Variants in CSMD1 observed in about 807,000 individuals in gnomAD.
CSMD1 encodes CUB and Sushi multiple domains 1.
CSMD1 carries 213 observed loss-of-function variants against 417.5 expected under a neutral mutation model. The ratio of observed to expected loss-of-function variants is 0.51; its 90% confidence interval spans 0.46 to 0.57. The LOEUF is 0.57. Ranked by LOEUF, CSMD1 falls within the 20% of genes least tolerant of loss-of-function variation. The pLI is 0.00. For missense variants in CSMD1, 6,923 were observed against 4,529.7 expected (o/e 1.53, Z -15.17); for synonymous variants, 2,862 against 1,736.8 (o/e 1.65, Z -16.11).
chr8:3,405,987 G>A (rs746898758), intron 15 of CSMD1, 40 bp downstream of exon 15: 3 of 1,587,478 alleles, frequency 1.9e-6, no homozygotes, highest in Non-Finnish European at 1.7e-6. Context: ...ATAGATGTGT[G>A]ATTTCAAAGG....
chr8:4,251,887 AGGGAGGGGAG>A (rs553704020), intron 3 of CSMD1, among the ~76,000 whole-genome samples: 1 of 112,574 alleles, frequency 8.9e-6, no homozygotes, highest in Non-Finnish European at 1.8e-5. Flanking sequence ...GAAGAGGGGA[AGGGAGGGGAG>A]GGGAGGGGAG....
At chr8:3,502,004 A>G (rs1293053283) in intron 10 of CSMD1, among the ~76,000 whole-genome samples, 1 of 152,184 alleles carries the variant, frequency 6.6e-6, no homozygotes, top group Non-Finnish European at 1.5e-5. Flanking sequence ...ACTTTGGAAG[A>G]TACTTTGGAA....
intron 3 of CSMD1, among the ~76,000 whole-genome samples, chr8:4,096,284 G>T (rs1222803552): frequency 6.6e-6 from 1 of 152,072 alleles, no homozygotes; most frequent in East Asian, 1.9e-4. Context: ...CCCTTGGGAT[G>T]CCATTGTGCT....
chr8:4,519,578 A>G (rs952318957), intron 2 of CSMD1, among the ~76,000 whole-genome samples: 1 of 151,268 alleles, frequency 6.6e-6, no homozygotes, highest in Non-Finnish European at 1.5e-5. Context: ...CGTCTCTACT[A>G]AAAACACCAA....
At chr8:3,793,073 G>T (rs1011258722) in intron 5 of CSMD1, among the ~76,000 whole-genome samples, 5 of 152,170 alleles carry the variant, frequency 3.3e-5, no homozygotes, top group African/African-American at 7.2e-5. Context: ...CAAAAGAGTA[G>T]AAAGGGGCAA....
chr8:3,631,822 G>C (rs541593538), intron 7 of CSMD1, among the ~76,000 whole-genome samples: 14 of 152,234 alleles, frequency 9.2e-5, no homozygotes, highest in African/African-American at 2.2e-4. Context: ...AGGTCAACAA[G>C]TGACTTGACA....
At chr8:4,266,815 G>A (rs1184072857) in intron 3 of CSMD1, among the ~76,000 whole-genome samples, 2 of 104,230 alleles carry the variant, frequency 1.9e-5, no homozygotes, top group African/African-American at 5.2e-5. Flanking sequence ...AGTGGATTGT[G>A]ATGACTTTTC....
At chr8:4,395,470 G>T (rs112112171) in intron 3 of CSMD1, among the ~76,000 whole-genome samples, 4,520 of 151,228 alleles carry the variant, frequency 0.03, 214 homozygotes, top group African/African-American at 0.1. Flanking sequence ...CAAGATTACT[G>T]TTTCGATGAA....
At chr8:3,924,075 T>C (rs1361503695) in intron 5 of CSMD1, among the ~76,000 whole-genome samples, 2 of 152,234 alleles carry the variant, frequency 1.3e-5, no homozygotes, top group Admixed American at 6.5e-5. Flanking sequence ...TTGCAGGGTA[T>C]ATCTGGTGGT....
intron 10 of CSMD1, among the ~76,000 whole-genome samples, chr8:3,572,917 G>A (rs1018122789): frequency 6.6e-6 from 1 of 151,982 alleles, no homozygotes; most frequent in Non-Finnish European, 1.5e-5. Flanking sequence ...TGATTTTCTG[G>A]AGACCAAACA....
chr8:4,865,346 C>G (rs78321772), intron 1 of CSMD1, among the ~76,000 whole-genome samples: 1 of 151,540 alleles, frequency 6.6e-6, no homozygotes, highest in Non-Finnish European at 1.5e-5. Flanking sequence ...TACTGCAAGA[C>G]GAAATCAGCA....
chr8:3,384,787 TATTA>T (rs1223088214), intron 18 of CSMD1, among the ~76,000 whole-genome samples: 1 of 123,526 alleles, frequency 8.1e-6, no homozygotes, highest in Admixed American at 9.8e-5. Context: ...ATATAATATA[TATTA>T]ATATATGCTA....
At chr8:4,909,207 C>T (rs545172880) in intron 1 of CSMD1, among the ~76,000 whole-genome samples, 74 of 152,254 alleles carry the variant, frequency 4.9e-4, no homozygotes, top group African/African-American at 1.6e-3. Flanking sequence ...AGGCCTGTTG[C>T]TGTGGTAGTG....
chr8:4,191,982 C>G (rs59294797), intron 3 of CSMD1, among the ~76,000 whole-genome samples: 3,462 of 152,232 alleles, frequency 0.023, 126 homozygotes, highest in African/African-American at 0.077. Context: ...AGGAACACGT[C>G]CCTAAGGATT....
At chr8:4,313,817 T>G (rs1798766709) in intron 3 of CSMD1, among the ~76,000 whole-genome samples, 1 of 151,888 alleles carries the variant, frequency 6.6e-6, no homozygotes, top group Non-Finnish European at 1.5e-5. Context: ...AGTTCGAGAC[T>G]AGCCTGACCA....
intron 49 of CSMD1, among the ~76,000 whole-genome samples, chr8:3,063,821 G>A (rs956620903): frequency 6.6e-6 from 1 of 152,290 alleles, no homozygotes; most frequent in African/African-American, 2.4e-5. Flanking sequence ...AGGGGCTGGA[G>A]GAGGAGGAAT....
chr8:4,460,979 G>C (rs1412536755), intron 2 of CSMD1, among the ~76,000 whole-genome samples: 1 of 152,104 alleles, frequency 6.6e-6, no homozygotes, highest in Non-Finnish European at 1.5e-5. Flanking sequence ...CTACAGACTA[G>C]TATTTCTTAA....
intron 5 of CSMD1, among the ~76,000 whole-genome samples, chr8:3,913,456 C>G (rs1212502989): frequency 6.6e-6 from 1 of 152,152 alleles, no homozygotes; most frequent in Non-Finnish European, 1.5e-5. Flanking sequence ...AATGTAACCT[C>G]CAGACTGGAA....
intron 12 of CSMD1, among the ~76,000 whole-genome samples, chr8:3,424,358 A>G (rs1020536983): frequency 6.6e-5 from 10 of 152,220 alleles, no homozygotes; most frequent in Admixed American, 6.5e-4. Context: ...TTGGGAAGCT[A>G]TTGAATAGTT....
Sources: gnomAD v4.1 joint callset for allele counts (sites outside exome capture counted in the v4.1 genomes callset) on GRCh38, gnomAD v4.1.1 for gene constraint, MANE v1.5 for transcripts, NCBI Gene and HGNC (gene_info 2026-07-23, HGNC 2026-07-21) for gene names.